SCN3B: variants seen among roughly 807,000 people sequenced by gnomAD.
SCN3B encodes sodium channel regulatory subunit beta-3.
Under a neutral mutation model 25.4 loss-of-function variants are expected in SCN3B, and 11 were observed. That is an observed-to-expected ratio of 0.43 (90% CI 0.27 to 0.72). The LOEUF (loss-of-function observed/expected upper bound fraction) is 0.72. Ranked by LOEUF, SCN3B falls within the 30% of genes least tolerant of loss-of-function variation. SCN3B has a pLI of 0.18. For synonymous variants in SCN3B, 109 were observed against 110.7 expected, an observed-to-expected ratio of 0.99 and a Z score of 0.09; for missense variants, 218 against 278.3, an observed-to-expected ratio of 0.78 and a Z score of 1.54.
chr11:123,643,819 T>A (rs1349788120), intron 3 of SCN3B, among the ~76,000 whole-genome samples: 2 of 152,232 alleles, frequency 1.3e-5, no homozygotes, highest in Non-Finnish European at 2.9e-5. Context: ...TCCAGCCTCC[T>A]GCAGCTGGGG....
chr11:123,645,038 G>C (rs1955839167), intron 3 of SCN3B, among the ~76,000 whole-genome samples: 1 of 151,728 alleles, frequency 6.6e-6, no homozygotes, highest in African/African-American at 2.4e-5. Flanking sequence ...CAGCCACTTA[G>C]GAGACTCGGC....
intron 5 of SCN3B, among the ~76,000 whole-genome samples, chr11:123,634,586 C>T (rs1441211916): frequency 1.3e-5 from 2 of 152,084 alleles, no homozygotes; most frequent in Non-Finnish European, 2.9e-5. Flanking sequence ...ACAAAAAATA[C>T]AAAAAACTAG....
intron 2 of SCN3B, among the ~76,000 whole-genome samples, chr11:123,651,511 G>A (rs749010322): frequency 6.6e-6 from 1 of 152,046 alleles, no homozygotes. Context: ...TTATAGGCAC[G>A]CACCACTATG....
At chr11:123,645,045 C>CG (rs1449684467) in intron 3 of SCN3B, among the ~76,000 whole-genome samples, 1 of 151,768 alleles carries the variant, frequency 6.6e-6, no homozygotes, top group Non-Finnish European at 1.5e-5. Context: ...TTAGGAGACT[C>CG]GGCACAGCAA....
chr11:123,647,365 T>A (rs980872629), intron 2 of SCN3B, among the ~76,000 whole-genome samples: 1 of 152,028 alleles, frequency 6.6e-6, no homozygotes, highest in African/African-American at 2.4e-5. Flanking sequence ...ACAACTGTAG[T>A]CCCAACCACT....
rs905015063 is a variant in SCN3B at position 123,631,121 on chromosome 11, G to A, written c.*2678C>T. The stretch of plus-strand genomic sequence containing the variant: ...TGTCAAGAATGAGAAGAATGGAGAA[G>A]TTAGAAAAAGGAAGAGTGGGGAAGA... On this transcript the variant is annotated 3_prime_UTR_variant, in exon 7 of 7. Coordinates refer to ENST00000299333, the MANE Select transcript of SCN3B (RefSeq NM_001040151.2). The A allele has an allele frequency of 1.1e-4, 16 of 152,316 alleles. No individual in the cohort carries two copies. The highest frequency in any genetic ancestry group is 3.9e-4 in the Admixed American group (6 of 15,306). The allele number at this position is 152,316 out of a possible 1,614,324, so 9.4% of individuals were successfully genotyped here.
intron 2 of SCN3B, 95 bp downstream of exon 2, chr11:123,653,652 A>G: frequency 7.7e-7 from 1 of 1,296,864 alleles, no homozygotes; most frequent in Non-Finnish European, 1.1e-6. Context: ...CAAGCCAGCC[A>G]GAGCTCTTTT....
At position 123,631,309 on chromosome 11, in the gene SCN3B, G is replaced by T. The variant is rs945214896; in HGVS notation, c.*2490C>A. On this transcript the variant is annotated 3_prime_UTR_variant, in exon 7 of 7. Transcript: ENST00000299333. ...GAGCTATTGGGCCACCGAGGAAAAC[G>T]GTGTGGTAGTAAGCATCTTGCTACT... The T allele has an allele frequency of 3.3e-5, 5 of 152,028 alleles. No individual in the cohort carries two copies. Among genetic ancestry groups the T allele is most frequent in the Non-Finnish European group, 4.4e-5 (3 of 68,024 alleles). 9.4% of individuals were successfully genotyped at this position (152,028 alleles called of 1,614,324 possible). A position where few individuals can be genotyped will look rare whatever the true frequency, so the allele number is the denominator to read the frequency against.
At position 123,629,939 on chromosome 11, in the gene SCN3B, G is replaced by C. The variant is rs1467119363; in HGVS notation, c.*3860C>G. 1.3e-5 allele frequency: 2 copies of C among 152,208 alleles called. No individual in the cohort carries two copies. The highest frequency in any genetic ancestry group is 1.9e-4 in the East Asian group (1 of 5,200). The allele number at this position is 152,208 out of a possible 1,614,324, so 9.4% of individuals were successfully genotyped here. On this transcript the variant is annotated 3_prime_UTR_variant, in exon 7 of 7. Coordinates refer to ENST00000299333, the MANE Select transcript of SCN3B (RefSeq NM_001040151.2). Reference sequence around the variant, plus strand: ...CTCTTTCTTCCTGCAAAGATGCAGTGACACAGCCTTTTCCCTCAGATTTAT... The same window carrying C: ...CTCTTTCTTCCTGCAAAGATGCAGTCACACAGCCTTTTCCCTCAGATTTAT...
At chr11:123,648,805 A>C (rs917760077) in intron 2 of SCN3B, among the ~76,000 whole-genome samples, 1 of 152,248 alleles carries the variant, frequency 6.6e-6, no homozygotes, top group Admixed American at 6.5e-5. Context: ...GACAGCAAAC[A>C]GTCCAATGTG....
chr11:123,652,704 C>T (rs1955940657), intron 2 of SCN3B, among the ~76,000 whole-genome samples: 1 of 152,156 alleles, frequency 6.6e-6, no homozygotes, highest in Non-Finnish European at 1.5e-5. Flanking sequence ...CTGAAGAGAA[C>T]CTATATTTTA....
intron 4 of SCN3B, among the ~76,000 whole-genome samples, chr11:123,641,631 TTGCAACAGAAACACCTGAGTTAGGC>T (rs1176457093): frequency 6.6e-6 from 1 of 152,052 alleles, no homozygotes; most frequent in Non-Finnish European, 1.5e-5. Context: ...AGGACTCCGG[TTGCAACAGAAACACCTGAGTTAGGC>T]TGCTGAAAGG....
intron 2 of SCN3B, among the ~76,000 whole-genome samples, chr11:123,648,501 A>G (rs1955881012): frequency 6.6e-6 from 1 of 152,248 alleles, no homozygotes; most frequent in African/African-American, 2.4e-5. Flanking sequence ...AGAATACACC[A>G]GAGAACAAAA....
intron 5 of SCN3B, among the ~76,000 whole-genome samples, chr11:123,635,178 G>A (rs1955710686): frequency 6.6e-6 from 1 of 152,146 alleles, no homozygotes; most frequent in Admixed American, 6.5e-5. Flanking sequence ...ATCTAATTTT[G>A]TTTTGTGTTT....
chr11:123,632,652 G>T lies in SCN3B; in HGVS notation c.*1147C>A, dbSNP rs1955685527. On this transcript the variant is annotated 3_prime_UTR_variant, in exon 7 of 7. Coordinates refer to ENST00000299333, the MANE Select transcript of SCN3B (RefSeq NM_001040151.2). ...AAAATACAAAATTTAGCCAGGCGTG[G>T]TGGTGCACACCTGTAATCCCAGCTA... 6.6e-6 allele frequency: 1 copy of T among 152,126 alleles called. No homozygotes were observed. 9.4% of individuals were successfully genotyped at this position (152,126 alleles called of 1,614,324 possible). A position where few individuals can be genotyped will look rare whatever the true frequency, so the allele number is the denominator to read the frequency against.
rs1353445515 is a variant in SCN3B at position 123,630,152 on chromosome 11, T to C, written c.*3647A>G. The stretch of plus-strand genomic sequence containing the variant: ...TGCAACTCAGAAGGAAGTCTGGGTG[T>C]GTGGGTGTCTGGGAATGGAGAAACT... On this transcript the variant is annotated 3_prime_UTR_variant, in exon 7 of 7. Coordinates refer to ENST00000299333, the MANE Select transcript of SCN3B (RefSeq NM_001040151.2). The C allele has an allele frequency of 3.3e-5, 5 of 152,280 alleles. No individual in the cohort carries two copies. Among genetic ancestry groups the C allele is most frequent in the Admixed American group, 3.3e-4 (5 of 15,260 alleles). The allele number at this position is 152,280 out of a possible 1,614,324, so 9.4% of individuals were successfully genotyped here.
intron 5 of SCN3B, 72 bp downstream of exon 5, chr11:123,638,114 G>T: frequency 2.5e-6 from 4 of 1,570,474 alleles, no homozygotes; most frequent in Non-Finnish European, 3.5e-6. Context: ...AAACTGCTTA[G>T]CACCTCACCT....
Position 123,642,746 on chromosome 11 carries a change from G to A in SCN3B, c.220-75C>T, listed in dbSNP as rs1031706489. 14 of 1,153,856 alleles carry A rather than the reference G, an allele frequency of 1.2e-5. No homozygotes were observed. In the African/African-American group the frequency reaches 2.0e-4, roughly 16 times the overall value. 71.5% of individuals were successfully genotyped at this position (1,153,856 alleles called of 1,614,324 possible). On this transcript the variant is annotated intron_variant, in intron 3 of 6. Coordinates refer to ENST00000299333, the MANE Select transcript of SCN3B (RefSeq NM_001040151.2). This position sits in a 1 kb window ranked among gnomAD's most constrained non-coding sequence, Gnocchi z 4.3. The stretch of plus-strand genomic sequence containing the variant: ...TGGGGGGAAGCCGAGTTAGGGACAG[G>A]GCAGAGAAAAGGAGCAGAATTGTGC...
chr11:123,641,292 C>G (rs1955787184), intron 4 of SCN3B, among the ~76,000 whole-genome samples: 1 of 152,216 alleles, frequency 6.6e-6, no homozygotes, highest in Admixed American at 6.5e-5. Flanking sequence ...CTCATCAGGT[C>G]TGGATTCAGG....
Sources: gnomAD v4.1 joint callset for allele counts (sites outside exome capture counted in the v4.1 genomes callset) on GRCh38, gnomAD v4.1.1 for gene constraint, Gnocchi (gnomAD v3.1) non-coding constraint, MANE v1.5 for transcripts, NCBI Gene and HGNC (gene_info 2026-07-23, HGNC 2026-07-21) for gene names.